SLC28A2: variants seen among roughly 807,000 people sequenced by gnomAD.
The protein encoded by SLC28A2 is solute carrier family 28 member 2, also known as sodium/nucleoside cotransporter 2.
SLC28A2 carries 69 observed loss-of-function variants against 72.9 expected under a neutral mutation model. The observed-to-expected ratio is 0.95, with a 90% CI of 0.78 to 1.16. The LOEUF is 1.16. SLC28A2 is among the 50% of genes most tolerant of loss of function. SLC28A2 has a pLI of 0.00. For missense variants in SLC28A2, 745 were observed against 791.1 expected (o/e 0.94, Z 0.70); for synonymous variants, 296 against 294.1 (o/e 1.01, Z -0.07).
chr15:45,272,313 G>C lies in SLC28A2; in HGVS notation c.1667G>C (p.Arg556Pro). The C allele has an allele frequency of 6.2e-7, 1 of 1,613,642 alleles. No homozygotes were observed. The highest frequency in any genetic ancestry group is 1.7e-4 in the Middle Eastern group (1 of 6,060). ...TCTGCAGCATCAATAGTACCTCACCGGAAGAGTGACTTGTCCAAGGTTGTG... is the reference window on the plus strand; with the variant it reads ...TCTGCAGCATCAATAGTACCTCACCCGAAGAGTGACTTGTCCAAGGTTGTG... ...LGGLTSIVPH[R>P]KSDLSKVVVR... The change falls in exon 16 of 18, where the codon CGG becomes CCG. Residue 556 changes from arginine to proline, a missense_variant. Physicochemically the swap from Arg to Pro is moderately radical, Grantham distance 103. Transcript: ENST00000347644.
intron 12 of SLC28A2, 130 bp from the exon 13 acceptor site, chr15:45,268,080 G>A: frequency 2.3e-6 from 2 of 857,670 alleles, no homozygotes; most frequent in Non-Finnish European, 3.6e-6. Context: ...GGTCACTGAG[G>A]AACCCCTGTC....
rs762797779 is a variant in SLC28A2, at chr15:45,269,540, G to A, written c.1566+5G>A. On this transcript the variant is annotated splice_donor_5th_base_variant and intron_variant, in intron 14 of 17. Transcript: ENST00000347644. Reference sequence around the variant, plus strand: ...GGAGAGAAACAGTGGATTTCTGTAAGTGACAATCCAAAAAGCATAAACACC... The same window carrying A: ...GGAGAGAAACAGTGGATTTCTGTAAATGACAATCCAAAAAGCATAAACACC... The A allele has an allele frequency of 6.2e-7, 1 of 1,611,670 alleles. No individual in the cohort carries two copies.
chr15:45,275,566 C>A lies in SLC28A2; in HGVS notation c.*53C>A. 8.5e-7 allele frequency: 1 copy of A among 1,169,836 alleles called. No homozygotes were observed. The highest frequency in any genetic ancestry group is 1.3e-6 in the Non-Finnish European group (1 of 782,882). The allele number at this position is 1,169,836 out of a possible 1,614,324, so 72.5% of individuals were successfully genotyped here. A position where few individuals can be genotyped will look rare whatever the true frequency, so the allele number is the denominator to read the frequency against. The stretch of plus-strand genomic sequence containing the variant: ...TTTGATCTTAAAAGCTTTGTGATTG[C>A]AAAGGTGTTTATGTACTCAGGGTGC... On this transcript the variant is annotated 3_prime_UTR_variant, in exon 18 of 18. Coordinates refer to ENST00000347644, the MANE Select transcript of SLC28A2 (RefSeq NM_004212.4).
At chr15:45,262,961 G>C in intron 4 of SLC28A2, 100 bp from the exon 5 acceptor site, 1 of 1,025,362 alleles carries the variant, frequency 9.8e-7, no homozygotes, top group South Asian at 1.6e-5. Context: ...TCTCTGGAGG[G>C]TTTTTCTTGC....
Position 45,253,323 on chromosome 15 carries a change from C to T in SLC28A2, c.81+27C>T, listed in dbSNP as rs544212946. On this transcript the variant is annotated intron_variant, in intron 2 of 17. Transcript: ENST00000347644. ...TAATCACCAGTTTAGTTTCTCTCTG[C>T]AGAGCTGTGGGCTGCTGCATGGGCT... is the stretch of plus-strand genomic sequence containing the variant. 4.4e-6 allele frequency: 7 copies of T among 1,590,578 alleles called. No individual in the cohort carries two copies. The African/African-American group carries it at 8.0e-5, about 18-fold the overall frequency.
intron 3 of SLC28A2, 62 bp downstream of exon 3, chr15:45,253,582 G>A (rs1323746957): frequency 9.7e-7 from 1 of 1,032,634 alleles, no homozygotes; most frequent in African/African-American, 1.6e-5. Context: ...GCCCCTTCAG[G>A]CAGCTTGTGG....
At chr15:45,273,566 A>G (rs528833282) in intron 17 of SLC28A2, among the ~76,000 whole-genome samples, 1 of 152,358 alleles carries the variant, frequency 6.6e-6, no homozygotes, top group East Asian at 1.9e-4. Context: ...ATGAAATACT[A>G]AAGAATTTAG....
At chr15:45,268,112 C>T in intron 12 of SLC28A2, 98 bp from the exon 13 acceptor site, 50 of 1,238,308 alleles carry the variant, frequency 4.0e-5, no homozygotes, top group Non-Finnish European at 5.6e-5. Flanking sequence ...TGGCCTTGCA[C>T]CCTCCTCCTG....
intron 1 of SLC28A2, 84 bp from the exon 2 acceptor site, chr15:45,253,116 G>T: frequency 1.3e-6 from 1 of 795,218 alleles, no homozygotes; most frequent in Non-Finnish European, 2.1e-6. Context: ...CGTTTTCCAT[G>T]GGTAACTGGT....
intron 17 of SLC28A2, among the ~76,000 whole-genome samples, chr15:45,274,459 C>T (rs886449008): frequency 6.6e-5 from 10 of 152,056 alleles, no homozygotes; most frequent in African/African-American, 2.4e-4. Context: ...TGTAGTGAGC[C>T]GTGATCCGTA....
At chr15:45,257,155 T>C (rs1011304417) in intron 3 of SLC28A2, among the ~76,000 whole-genome samples, 1 of 152,232 alleles carries the variant, frequency 6.6e-6, no homozygotes, top group Admixed American at 6.5e-5. Context: ...CTTCATTTTT[T>C]GTCTTTGTGC....
chr15:45,269,268 G>GA, intron 13 of SLC28A2, 70 bp from the exon 14 acceptor site: 1 of 1,272,406 alleles, frequency 7.9e-7, no homozygotes, highest in Non-Finnish European at 1.1e-6. Context: ...AGGCTCCAGA[G>GA]AAGGTCCTTG....
At position 45,264,784 on chromosome 15, in the gene SLC28A2, T is replaced by G; in HGVS notation, c.702+16T>G. On this transcript the variant is annotated intron_variant, in intron 7 of 17. Coordinates refer to ENST00000347644, the MANE Select transcript of SLC28A2 (RefSeq NM_004212.4). ...GCAGGTCCAGGTATGAGAAATTAAA[T>G]GCGAGGGCTTTTCTCTTTTAGAACC... 1 of 1,476,356 alleles carries G rather than the reference T, an allele frequency of 6.8e-7. No individual in the cohort carries two copies. Among genetic ancestry groups the G allele is most frequent in the Non-Finnish European group, 9.5e-7 (1 of 1,054,556 alleles). The allele number at this position is 1,476,356 out of a possible 1,614,324, so 91.5% of individuals were successfully genotyped here. A position where few individuals can be genotyped will look rare whatever the true frequency, so the allele number is the denominator to read the frequency against.
At chr15:45,266,482 C>T (rs1206726933) in intron 10 of SLC28A2, among the ~76,000 whole-genome samples, 1 of 152,124 alleles carries the variant, frequency 6.6e-6, no homozygotes, top group Non-Finnish European at 1.5e-5. Flanking sequence ...GTGTTTGATC[C>T]TCATTCTGGT....
chr15:45,263,801 G>T, intron 5 of SLC28A2, 80 bp from the exon 6 acceptor site: 4 of 1,423,222 alleles, frequency 2.8e-6, no homozygotes, highest in Admixed American at 2.0e-5. Flanking sequence ...AGGAGTGAGA[G>T]AATAACTTTC....
chr15:45,264,791 G>C, intron 7 of SLC28A2, 23 bp downstream of exon 7: 2 of 1,437,144 alleles, frequency 1.4e-6, no homozygotes, highest in South Asian at 2.3e-5. Flanking sequence ...AAATGCGAGG[G>C]CTTTTCTCTT....
intron 5 of SLC28A2, 27 bp downstream of exon 5, chr15:45,263,271 C>A: frequency 6.2e-7 from 1 of 1,606,736 alleles, no homozygotes; most frequent in South Asian, 1.1e-5. Context: ...AATACCTGGC[C>A]TCACAGCTTA....
At chr15:45,261,161 T>C (rs1478368396) in intron 3 of SLC28A2, among the ~76,000 whole-genome samples, 1 of 152,184 alleles carries the variant, frequency 6.6e-6, no homozygotes, top group Non-Finnish European at 1.5e-5. Context: ...TTTTGGAAAT[T>C]AGAGCTTTTG....
intron 14 of SLC28A2, 74 bp downstream of exon 14, chr15:45,269,609 C>A: frequency 2.2e-6 from 3 of 1,364,728 alleles, no homozygotes; most frequent in Non-Finnish European, 3.1e-6. Context: ...CAGAAAGTGC[C>A]AAACAGGTTT....
Sources: gnomAD v4.1 joint callset for allele counts (sites outside exome capture counted in the v4.1 genomes callset) on GRCh38, gnomAD v4.1.1 for gene constraint, MANE v1.5 for transcripts, NCBI Gene and HGNC (gene_info 2026-07-23, HGNC 2026-07-21) for gene names.